The following KIF26B variants were observed in gnomAD, a reference collection of about 807,000 sequenced individuals.
KIF26B encodes the protein kinesin-like protein KIF26B.
In KIF26B, 63 loss-of-function variants were observed where a neutral mutation model predicts 151.2. The ratio of observed to expected loss-of-function variants is 0.42; its 90% confidence interval spans 0.34 to 0.51. The LOEUF is 0.51. Among genes scored for constraint, KIF26B ranks in the 20% least tolerant of loss-of-function variants. KIF26B has a pLI of 0.07. For missense variants in KIF26B, 2,813 were observed against 2,913.6 expected, an observed-to-expected ratio of 0.97 and a Z score of 0.79; for synonymous variants, 1,357 against 1,262.1, an observed-to-expected ratio of 1.08 and a Z score of -1.59.
chr1:245,327,332 G>A (rs534239985), intron 2 of KIF26B, among the ~76,000 whole-genome samples: 1 of 152,344 alleles, frequency 6.6e-6, no homozygotes, highest in South Asian at 2.1e-4. Context: ...CTTCCCTGAT[G>A]TAGTGGTCTC....
At chr1:245,163,453 A>G (rs1173938690) in intron 2 of KIF26B, among the ~76,000 whole-genome samples, 1 of 152,052 alleles carries the variant, frequency 6.6e-6, no homozygotes, top group Non-Finnish European at 1.5e-5. Context: ...ACACTATTTT[A>G]ATTATGGAAG....
chr1:245,562,570 C>T (rs77983982), intron 5 of KIF26B, among the ~76,000 whole-genome samples: 8,202 of 151,420 alleles, frequency 0.054, 327 homozygotes, highest in African/African-American at 0.11. Context: ...TCTACCTGTC[C>T]GCACGTGGCC....
chr1:245,656,872 T>A (rs2147929717), intron 10 of KIF26B, among the ~76,000 whole-genome samples: 1 of 152,348 alleles, frequency 6.6e-6, no homozygotes, highest in East Asian at 1.9e-4. Flanking sequence ...CATGTCTAAT[T>A]GAACAATTTT....
At chr1:245,283,445 C>T (rs1371974160) in intron 2 of KIF26B, among the ~76,000 whole-genome samples, 1 of 152,110 alleles carries the variant, frequency 6.6e-6, no homozygotes, top group Non-Finnish European at 1.5e-5. Flanking sequence ...TCTTTTTACC[C>T]TCTTGGAAAA....
intron 4 of KIF26B, among the ~76,000 whole-genome samples, chr1:245,450,693 G>T (rs901363126): frequency 6.6e-6 from 1 of 152,142 alleles, no homozygotes; most frequent in African/African-American, 2.4e-5. Context: ...AGGATTTAGA[G>T]TCAAAAGTGT....
chr1:245,356,549 T>G (rs1672705591), intron 2 of KIF26B, among the ~76,000 whole-genome samples: 1 of 151,828 alleles, frequency 6.6e-6, no homozygotes, highest in East Asian at 1.9e-4. Flanking sequence ...AGAGTGAGAC[T>G]CTGTCTCAAA....
chr1:245,178,063 A>G (rs1203739460), intron 2 of KIF26B, among the ~76,000 whole-genome samples: 1 of 152,218 alleles, frequency 6.6e-6, no homozygotes, highest in African/African-American at 2.4e-5. Context: ...GTTTCTGGGC[A>G]GAGATATTTG....
At chr1:245,332,520 C>A (rs1411666855) in intron 2 of KIF26B, among the ~76,000 whole-genome samples, 2 of 152,166 alleles carry the variant, frequency 1.3e-5, no homozygotes, top group African/African-American at 4.8e-5. Context: ...AGTGAGCAAG[C>A]TTTTGTCTGA....
intron 2 of KIF26B, among the ~76,000 whole-genome samples, chr1:245,288,934 T>G (rs1385309177): frequency 1.2e-5 from 1 of 82,308 alleles, no homozygotes; most frequent in African/African-American, 8.1e-5. Flanking sequence ...CCACAACTGT[T>G]TGTTTTTTTT....
intron 5 of KIF26B, among the ~76,000 whole-genome samples, chr1:245,585,362 G>GTT (rs1211648494): frequency 6.6e-6 from 1 of 151,784 alleles, no homozygotes. Flanking sequence ...CCTTATAAAA[G>GTT]TTTACAAAGT....
intron 10 of KIF26B, among the ~76,000 whole-genome samples, chr1:245,662,706 AAT>A (rs1204237635): frequency 1.8e-4 from 4 of 21,996 alleles, no homozygotes; most frequent in Non-Finnish European, 4.3e-4. Context: ...ATATAAACCC[AAT>A]GATACATATA....
At chr1:245,347,828 A>T (rs893966596) in intron 2 of KIF26B, among the ~76,000 whole-genome samples, 5 of 152,256 alleles carry the variant, frequency 3.3e-5, no homozygotes, top group African/African-American at 1.2e-4. Flanking sequence ...TGATCATTAT[A>T]ACACGTTCAT....
At chr1:245,521,641 C>T (rs1052913846) in intron 4 of KIF26B, among the ~76,000 whole-genome samples, 1 of 152,272 alleles carries the variant, frequency 6.6e-6, no homozygotes, top group Non-Finnish European at 1.5e-5. Context: ...ACAAGGCTTA[C>T]TTCTTCAGTG....
intron 2 of KIF26B, among the ~76,000 whole-genome samples, chr1:245,288,116 G>T (rs1407280914): frequency 3.3e-5 from 5 of 151,984 alleles, no homozygotes; most frequent in Non-Finnish European, 5.9e-5. Context: ...CTTTCGGAGC[G>T]AGCATTATTC....
chr1:245,627,486 G>A (rs1283767113), intron 9 of KIF26B, among the ~76,000 whole-genome samples: 1 of 152,156 alleles, frequency 6.6e-6, no homozygotes, highest in Non-Finnish European at 1.5e-5. Context: ...CGCTAAAGCA[G>A]TGTTAGAGGG....
chr1:245,382,710 A>G (rs1673440782), intron 3 of KIF26B, among the ~76,000 whole-genome samples: 1 of 151,948 alleles, frequency 6.6e-6, no homozygotes, highest in African/African-American at 2.4e-5. Context: ...CTGAGATTAC[A>G]GGCATGCACC....
At chr1:245,390,812 A>G (rs972659388) in intron 3 of KIF26B, among the ~76,000 whole-genome samples, 3 of 150,736 alleles carry the variant, frequency 2.0e-5, no homozygotes, top group South Asian at 2.1e-4. Context: ...TTGGCCTAGC[A>G]TGATGGTACA....
chr1:245,245,683 G>A (rs3124452), intron 2 of KIF26B, among the ~76,000 whole-genome samples: 124,702 of 152,086 alleles, frequency 0.82, 51,460 homozygotes, highest in South Asian at 0.87. Flanking sequence ...CTGTAACCCC[G>A]GCACTTTGGG....
At chr1:245,658,411 CTTTTT>C (rs776786213) in intron 10 of KIF26B, among the ~76,000 whole-genome samples, 12 of 152,246 alleles carry the variant, frequency 7.9e-5, no homozygotes, top group African/African-American at 1.2e-4. Context: ...GTTTTCTTTT[CTTTTT>C]GAGACAGGGT....
Sources: gnomAD v4.1 joint callset for allele counts (sites outside exome capture counted in the v4.1 genomes callset) on GRCh38, gnomAD v4.1.1 for gene constraint, MANE v1.5 for transcripts, NCBI Gene and HGNC (gene_info 2026-07-23, HGNC 2026-07-21) for gene names.